DPP10: variants seen among roughly 807,000 people sequenced by gnomAD.
DPP10 encodes inactive dipeptidyl peptidase 10.
In DPP10, 33 loss-of-function variants were observed where a neutral mutation model predicts 120.9. The ratio of observed to expected loss-of-function variants is 0.27; its 90% CI spans 0.21 to 0.37. The LOEUF (loss-of-function observed/expected upper bound fraction) is 0.37. Among genes scored for constraint, DPP10 ranks in the 10% least tolerant of loss-of-function variants. The pLI is 1.00. For synonymous variants in DPP10, 337 were observed against 326.1 expected (o/e 1.03, Z -0.36); for missense variants, 816 against 942.8 (o/e 0.87, Z 1.76).
At chr2:115,516,201 C>T (rs768920025) in intron 4 of DPP10, among the ~76,000 whole-genome samples, 6 of 152,042 alleles carry the variant, frequency 3.9e-5, no homozygotes, top group Admixed American at 1.3e-4. Context: ...AAATAGAACC[C>T]GGTTCTTACT....
chr2:115,600,457 A>G (rs973087752), intron 5 of DPP10, among the ~76,000 whole-genome samples: 1 of 152,228 alleles, frequency 6.6e-6, no homozygotes, highest in African/African-American at 2.4e-5. Flanking sequence ...AGTTTTTCTT[A>G]AAATTTTTAT....
chr2:115,674,051 A>G (rs549158778), intron 5 of DPP10, among the ~76,000 whole-genome samples: 1 of 151,520 alleles, frequency 6.6e-6, no homozygotes, highest in African/African-American at 2.4e-5. Context: ...GTCTCTACAA[A>G]CAAAACAAAA....
At chr2:115,562,880 A>G (rs1468848973) in intron 5 of DPP10, among the ~76,000 whole-genome samples, 1 of 152,198 alleles carries the variant, frequency 6.6e-6, no homozygotes, top group African/African-American at 2.4e-5. Context: ...ATTTCAACTC[A>G]TTGGTACTGG....
At chr2:114,442,986 G>A (rs906287998) in intron 1 of DPP10, 148 bp downstream of exon 1, 1 of 959,088 alleles carries the variant, frequency 1.0e-6, no homozygotes, top group Non-Finnish European at 1.6e-6. Context: ...AAAGCATTTG[G>A]CTCTGCATGT....
chr2:114,667,074 A>G (rs1697980625), intron 1 of DPP10, among the ~76,000 whole-genome samples: 1 of 152,166 alleles, frequency 6.6e-6, no homozygotes, highest in Non-Finnish European at 1.5e-5. Flanking sequence ...CATAGACACT[A>G]TGCAAATGTG....
chr2:115,172,383 C>CAA (rs369416732), intron 1 of DPP10, among the ~76,000 whole-genome samples: 1 of 82,500 alleles, frequency 1.2e-5, no homozygotes, highest in Non-Finnish European at 2.5e-5. Flanking sequence ...GAATCCGTCT[C>CAA]AAAAAAAAAA....
chr2:115,257,170 C>T (rs1478116578), intron 1 of DPP10, among the ~76,000 whole-genome samples: 1 of 152,192 alleles, frequency 6.6e-6, no homozygotes, highest in East Asian at 1.9e-4. Flanking sequence ...CTGTTTTCTT[C>T]TGAGCCCTTC....
At chr2:114,862,694 CA>C (rs777128807) in intron 1 of DPP10, among the ~76,000 whole-genome samples, 1 of 151,936 alleles carries the variant, frequency 6.6e-6, no homozygotes, top group Non-Finnish European at 1.5e-5. Context: ...AACAGATAAT[CA>C]GTTGGAAAAG....
At chr2:115,026,812 A>T (rs938638321) in intron 1 of DPP10, among the ~76,000 whole-genome samples, 2 of 152,190 alleles carry the variant, frequency 1.3e-5, no homozygotes, top group Admixed American at 6.5e-5. Flanking sequence ...CTGGGATTAC[A>T]GGTGTGAGCC....
intron 1 of DPP10, among the ~76,000 whole-genome samples, chr2:114,572,179 A>G (rs909187326): frequency 6.6e-6 from 1 of 152,044 alleles, no homozygotes; most frequent in Non-Finnish European, 1.5e-5. Flanking sequence ...TATAAAAATA[A>G]CATCATCTTT....
intron 2 of DPP10, among the ~76,000 whole-genome samples, chr2:115,329,994 A>T (rs957175483): frequency 2.0e-5 from 3 of 152,104 alleles, no homozygotes; most frequent in Non-Finnish European, 2.9e-5. Flanking sequence ...CTAGTTCTAG[A>T]TCCTTGAGGA....
At chr2:114,854,986 C>T (rs1250140220) in intron 1 of DPP10, among the ~76,000 whole-genome samples, 2 of 152,126 alleles carry the variant, frequency 1.3e-5, no homozygotes, top group Non-Finnish European at 2.9e-5. Context: ...TGGTCTACTT[C>T]TACTCCTCAG....
intron 5 of DPP10, among the ~76,000 whole-genome samples, chr2:115,577,512 G>T (rs1057021896): frequency 6.6e-6 from 1 of 152,156 alleles, no homozygotes; most frequent in Non-Finnish European, 1.5e-5. Flanking sequence ...AGTAAAATTT[G>T]AAGTATTATA....
At chr2:115,798,031 T>A (rs2149950428) in intron 19 of DPP10, among the ~76,000 whole-genome samples, 1 of 151,918 alleles carries the variant, frequency 6.6e-6, no homozygotes, top group African/African-American at 2.4e-5. Context: ...AACATAGGTT[T>A]TAGATATGCA....
chr2:114,540,862 A>G (rs759088183), intron 1 of DPP10, among the ~76,000 whole-genome samples: 9 of 152,088 alleles, frequency 5.9e-5, no homozygotes, highest in Non-Finnish European at 1.3e-4. Flanking sequence ...GTATTGTCCA[A>G]TCTCTTCTTA....
chr2:115,624,777 A>C (rs1345637664), intron 5 of DPP10, among the ~76,000 whole-genome samples: 1 of 152,208 alleles, frequency 6.6e-6, no homozygotes, highest in Non-Finnish European at 1.5e-5. Context: ...TTAAATGAAA[A>C]TACTAATAGT....
chr2:115,432,771 A>G (rs1029402569), intron 3 of DPP10, among the ~76,000 whole-genome samples: 4 of 150,412 alleles, frequency 2.7e-5, no homozygotes, highest in Admixed American at 1.3e-4. Context: ...GATATTATTG[A>G]TTGTCACAGA....
intron 5 of DPP10, among the ~76,000 whole-genome samples, chr2:115,565,295 C>G (rs2080929962): frequency 6.6e-6 from 1 of 152,150 alleles, no homozygotes; most frequent in African/African-American, 2.4e-5. Flanking sequence ...GATTCTCTTT[C>G]ACTATGTTTT....
chr2:115,424,793 C>T (rs904957830), intron 3 of DPP10, among the ~76,000 whole-genome samples: 1 of 152,114 alleles, frequency 6.6e-6, no homozygotes, highest in African/African-American at 2.4e-5. Flanking sequence ...ACCTTTACTT[C>T]ATTGGTACCA....
Sources: allele counts gnomAD v4.1 joint callset (sites outside exome capture counted in the v4.1 genomes callset), GRCh38; gene constraint gnomAD v4.1.1; transcripts MANE v1.5; gene names NCBI Gene and HGNC (gene_info 2026-07-23, HGNC 2026-07-21).